Variants in TFDP2 observed in about 807,000 individuals in gnomAD.
The protein encoded by TFDP2 is transcription factor Dp-2.
A neutral mutation model predicts 59.3 loss-of-function variants in TFDP2; 17 were observed. The ratio of observed to expected loss-of-function variants is 0.29; its 90% CI spans 0.20 to 0.43. TFDP2 has a LOEUF of 0.43. Among genes scored for constraint, TFDP2 ranks in the 20% least tolerant of loss-of-function variants. The probability of loss-of-function intolerance (pLI) is 1.00; values close to 1 mark genes in which losing one functional copy is unlikely to be tolerated. For synonymous variants in TFDP2, 180 were observed against 194.7 expected (o/e 0.92, Z 0.63); for missense variants, 391 against 528.8 (o/e 0.74, Z 2.56).
At chr3:142,075,922 A>G (rs1433582004) in intron 3 of TFDP2, among the ~76,000 whole-genome samples, 1 of 150,312 alleles carries the variant, frequency 6.7e-6, no homozygotes, top group East Asian at 1.9e-4. Context: ...AAAAAAAAAA[A>G]AAGGCTTTCC....
At chr3:142,025,024 G>A (rs77837109) in intron 3 of TFDP2, among the ~76,000 whole-genome samples, 101 of 144,352 alleles carry the variant, frequency 7.0e-4, no homozygotes, top group Non-Finnish European at 7.3e-4. Flanking sequence ...CTGTCTCAAA[G>A]AAAAAAAAAA....
intron 4 of TFDP2, among the ~76,000 whole-genome samples, chr3:142,003,176 A>AT (rs1466527753): frequency 6.6e-6 from 1 of 151,786 alleles, no homozygotes; most frequent in South Asian, 2.1e-4. Context: ...AATTTTTTGT[A>AT]TTTTAGTAGA....
intron 3 of TFDP2, among the ~76,000 whole-genome samples, chr3:142,031,968 A>G (rs1397764): frequency 0.75 from 114,447 of 152,136 alleles, 43,051 homozygotes; most frequent in South Asian, 0.8. Context: ...CTACACCTAA[A>G]GCAAAAACTT....
intron 4 of TFDP2, among the ~76,000 whole-genome samples, chr3:142,003,966 C>G (rs371464090): frequency 1.6e-4 from 25 of 152,116 alleles, no homozygotes; most frequent in African/African-American, 5.8e-4. Context: ...ACTGTAAGGG[C>G]AAGACTCATA....
chr3:141,987,955 A>AAAAAAAG (rs1942310019), intron 6 of TFDP2, among the ~76,000 whole-genome samples: 1 of 151,328 alleles, frequency 6.6e-6, no homozygotes, highest in African/African-American at 2.4e-5. Flanking sequence ...AAAAGAAAAG[A>AAAAAAAG]AAAAGAAAAT....
intron 10 of TFDP2, among the ~76,000 whole-genome samples, chr3:141,961,967 G>T (rs1225851661): frequency 6.6e-6 from 1 of 151,936 alleles, no homozygotes; most frequent in Non-Finnish European, 1.5e-5. Flanking sequence ...TTTTTGGGGG[G>T]GACGGAGTTT....
intron 7 of TFDP2, among the ~76,000 whole-genome samples, chr3:141,975,081 T>C (rs1940423218): frequency 6.6e-6 from 1 of 151,862 alleles, no homozygotes; most frequent in Non-Finnish European, 1.5e-5. Context: ...GCCCAGCTAA[T>C]TTTTCTATTT....
At chr3:141,973,123 A>ATATATATATATATATATATTT in intron 8 of TFDP2, among the ~76,000 whole-genome samples, 1 of 58,030 alleles carries the variant, frequency 1.7e-5, no homozygotes, top group African/African-American at 6.5e-5. Flanking sequence ...ATATATATAT[A>ATATATATATATATATATATTT]TTTTTTTTTT....
chr3:141,954,599 T>C (rs1227498439), intron 11 of TFDP2, among the ~76,000 whole-genome samples: 1 of 151,002 alleles, frequency 6.6e-6, no homozygotes, highest in East Asian at 1.9e-4. Flanking sequence ...ATCGTGCCAC[T>C]GCACTCCAGC....
intron 8 of TFDP2, among the ~76,000 whole-genome samples, chr3:141,973,121 ATATTTT>A (rs1437625627): frequency 5.2e-5 from 3 of 57,420 alleles, no homozygotes; most frequent in South Asian, 4.7e-4. Flanking sequence ...ATATATATAT[ATATTTT>A]TTTTTTTTAA....
intron 7 of TFDP2, among the ~76,000 whole-genome samples, chr3:141,974,719 A>G (rs994187499): frequency 6.6e-6 from 1 of 152,152 alleles, no homozygotes; most frequent in African/African-American, 2.4e-5. Flanking sequence ...AGGATTTTAG[A>G]CTTAAAAAAA....
intron 3 of TFDP2, among the ~76,000 whole-genome samples, chr3:142,065,299 C>G (rs973893554): frequency 6.6e-6 from 1 of 151,862 alleles, no homozygotes; most frequent in African/African-American, 2.4e-5. Context: ...TGGGACTGCA[C>G]AGGCACAGGC....
At chr3:142,109,785 T>TA (rs374848856) in intron 1 of TFDP2, among the ~76,000 whole-genome samples, 156 of 151,918 alleles carry the variant, frequency 1.0e-3, no homozygotes, top group African/African-American at 3.4e-3. Context: ...AGAATTTTTC[T>TA]AAAAAAAACA....
At chr3:141,968,563 G>GAT (rs1333369134) in intron 9 of TFDP2, among the ~76,000 whole-genome samples, 1 of 83,472 alleles carries the variant, frequency 1.2e-5, no homozygotes, top group Non-Finnish European at 2.1e-5. Context: ...CATATATATA[G>GAT]ATATATATAA....
At chr3:141,993,000 G>A (rs1423804953) in intron 6 of TFDP2, among the ~76,000 whole-genome samples, 1 of 152,052 alleles carries the variant, frequency 6.6e-6, no homozygotes, top group Non-Finnish European at 1.5e-5. Context: ...CCAACATATT[G>A]CTTAAGAAAG....
At chr3:142,093,256 T>C in intron 2 of TFDP2, 129 bp from the exon 3 acceptor site, 1 of 537,920 alleles carries the variant, frequency 1.9e-6, no homozygotes, top group Non-Finnish European at 3.2e-6. Context: ...GAATTAATTA[T>C]ATTAACCACA....
At chr3:142,061,885 TCTCTACAC>T (rs1436827325) in intron 3 of TFDP2, among the ~76,000 whole-genome samples, 2 of 66,760 alleles carry the variant, frequency 3.0e-5, no homozygotes, top group Non-Finnish European at 5.5e-5. Context: ...TCTCTCTCTC[TCTCTACAC>T]ACACACACAC....
At chr3:142,096,249 T>G (rs931409512) in intron 2 of TFDP2, among the ~76,000 whole-genome samples, 2 of 152,208 alleles carry the variant, frequency 1.3e-5, no homozygotes, top group Non-Finnish European at 2.9e-5. Flanking sequence ...AAAATATATT[T>G]AATTAAAACT....
At chr3:142,027,989 A>T (rs1192548166) in intron 3 of TFDP2, among the ~76,000 whole-genome samples, 1 of 152,228 alleles carries the variant, frequency 6.6e-6, no homozygotes, top group Non-Finnish European at 1.5e-5. Flanking sequence ...CCTAAGCTTC[A>T]TTAGAATACA....
Sources: allele counts gnomAD v4.1 joint callset (sites outside exome capture counted in the v4.1 genomes callset), GRCh38; gene constraint gnomAD v4.1.1; transcripts MANE v1.5; gene names NCBI Gene and HGNC (gene_info 2026-07-23, HGNC 2026-07-21).